Variants in S100Z observed in about 807,000 individuals in gnomAD.
S100Z encodes S100 calcium binding protein Z.
Under a neutral mutation model 8.5 loss-of-function variants are expected in S100Z, and 11 were observed. That is an observed-to-expected ratio of 1.30 (90% CI 0.82 to 2.15). The LOEUF (loss-of-function observed/expected upper bound fraction) is 2.15, where lower values mean the gene tolerates loss of function less well. Ranked by LOEUF, S100Z falls within the 30% of genes most tolerant of loss-of-function variation. The probability of loss-of-function intolerance (pLI) is 0.00; values close to 1 mark genes in which losing one functional copy is unlikely to be tolerated. For missense variants in S100Z, 126 were observed against 117.9 expected, an observed-to-expected ratio of 1.07 and a Z score of -0.32; for synonymous variants, 34 against 43.8, an observed-to-expected ratio of 0.78 and a Z score of 0.89.
Position 76,873,828 on chromosome 5 carries a change from A to G in S100Z, c.-56-1476A>G, listed in dbSNP as rs116567791. On this transcript the variant is annotated intron_variant, in intron 2 of 4. Coordinates refer to ENST00000317593, the MANE Select transcript of S100Z (RefSeq NM_130772.4). ...GCAGGATTTAAAAGCACAGTGGCCA[A>G]TATCTGGCTTTGGTTTTTACATGGA... Among the ~76,000 whole-genome samples the G allele has an allele frequency of 6.7e-3, 1,023 of 152,280 alleles. 13 individuals are homozygous for G. The highest frequency in any genetic ancestry group is 0.022 in the African/African-American group (932 of 41,544).
At chr5:76,950,538 A>G in the S100Z span, among the ~76,000 whole-genome samples, 291 of 152,340 alleles carry the variant, frequency 1.9e-3, 2 homozygotes, top group African/African-American at 6.8e-3. Context: ...CCTACCTAAC[A>G]AAAAGAAAGT....
At chr5:76,854,845 C>T (rs1750837022) in intron 1 of S100Z, among the ~76,000 whole-genome samples, 1 of 152,238 alleles carries the variant, frequency 6.6e-6, no homozygotes, top group Admixed American at 6.5e-5. Flanking sequence ...ATCACAGGCC[C>T]AAAGGCCTAG....
At chr5:76,856,089 C>T (rs984359084) in intron 1 of S100Z, among the ~76,000 whole-genome samples, 1 of 152,174 alleles carries the variant, frequency 6.6e-6, no homozygotes, top group Non-Finnish European at 1.5e-5. Context: ...GTGTCTGTTT[C>T]CCCTTTGCCT....
chr5:76,890,345 T>C (rs1001919504), intron 4 of S100Z, among the ~76,000 whole-genome samples: 5 of 152,212 alleles, frequency 3.3e-5, no homozygotes, highest in African/African-American at 4.8e-5. Context: ...TTTGAAAATA[T>C]ATATTTCTTT....
intron 1 of S100Z, among the ~76,000 whole-genome samples, chr5:76,864,384 ATATTTTTTTTTTTTT>A (rs1561224590): frequency 4.5e-5 from 5 of 111,374 alleles, no homozygotes; most frequent in African/African-American, 1.7e-4. Flanking sequence ...AATGCATACT[ATATTTTTTTTTTTTT>A]TTTTTTTTTT....
chr5:76,870,810 A>G (rs1436574488), intron 2 of S100Z, among the ~76,000 whole-genome samples: 2 of 152,038 alleles, frequency 1.3e-5, no homozygotes, highest in African/African-American at 4.8e-5. Context: ...AGAGCTGGAG[A>G]GGGGAAAGTG....
At chr5:76,865,146 C>T (rs559137837) in intron 1 of S100Z, among the ~76,000 whole-genome samples, 1 of 152,088 alleles carries the variant, frequency 6.6e-6, no homozygotes, top group Non-Finnish European at 1.5e-5. Flanking sequence ...GTCCCTGAGA[C>T]CTTCCAGTGG....
intron 1 of S100Z, among the ~76,000 whole-genome samples, chr5:76,869,792 G>A (rs1742940527): frequency 6.6e-6 from 1 of 152,150 alleles, no homozygotes. Context: ...GCTGAGGCAG[G>A]TGGATCACTT....
chr5:76,875,146 C>T (rs933999138), intron 2 of S100Z, among the ~76,000 whole-genome samples, 158 bp from the exon 3 acceptor site: 3 of 152,208 alleles, frequency 2.0e-5, no homozygotes, highest in Non-Finnish European at 4.4e-5. Context: ...CCATCTCTGC[C>T]TCCCAAAGTG....
chr5:76,885,630 C>T (rs1266653702), intron 4 of S100Z, among the ~76,000 whole-genome samples: 3 of 115,928 alleles, frequency 2.6e-5, no homozygotes, highest in African/African-American at 1.0e-4. Flanking sequence ...GAGGTGCTTG[C>T]CCCCCAGGAA....
chr5:76,907,828 A>C (rs377322712), intron 4 of S100Z, among the ~76,000 whole-genome samples: 3 of 152,154 alleles, frequency 2.0e-5, no homozygotes, highest in African/African-American at 7.2e-5. Context: ...TTAATTTGAG[A>C]TCTTATTGTA....
At chr5:76,861,844 G>T (rs561277280) in intron 1 of S100Z, among the ~76,000 whole-genome samples, 6 of 152,224 alleles carry the variant, frequency 3.9e-5, no homozygotes, top group East Asian at 3.9e-4. Context: ...TATAAATAAC[G>T]CATTTTCACT....
chr5:76,851,449 C>T (rs771929204), intron 1 of S100Z, among the ~76,000 whole-genome samples: 7 of 151,952 alleles, frequency 4.6e-5, no homozygotes, highest in Non-Finnish European at 1.0e-4. Context: ...TGAACTATGG[C>T]GCTAGGGTTG....
At chr5:76,925,826 G>C (rs945933542), downstream of S100Z, among the ~76,000 whole-genome samples, 1 of 152,088 alleles carries the variant, frequency 6.6e-6, no homozygotes, top group African/African-American at 2.4e-5. Flanking sequence ...TTTTAGCAGG[G>C]TGTGGTGGCG....
intron 4 of S100Z, among the ~76,000 whole-genome samples, chr5:76,898,937 T>TTC (rs1030371702): frequency 3.5e-5 from 5 of 140,962 alleles, no homozygotes; most frequent in East Asian, 2.5e-4. Context: ...TCTTTTCTTT[T>TTC]TTTTTTTTTT....
chr5:76,871,827 C>A (rs548111363), intron 2 of S100Z, among the ~76,000 whole-genome samples: 209 of 152,306 alleles, frequency 1.4e-3, no homozygotes, highest in Non-Finnish European at 2.6e-3. Context: ...GGGCCCTGCC[C>A]GAAAATCTTT....
In S100Z at chr5:76,867,206, TACTC is replaced by T. The variant is rs888942665; in HGVS notation, c.-175-2957_-175-2954del. On this transcript the variant is annotated intron_variant, in intron 1 of 4. Coordinates refer to ENST00000317593, the MANE Select transcript of S100Z (RefSeq NM_130772.4). ...ATCACCACAGTCAAGATAATAAACA[TACTC>T]ACCACCCTCAAAAGTGTCCACCCTT... 3.9e-5 allele frequency among the ~76,000 whole-genome samples: 6 copies of T among 152,204 alleles called. No individual in the cohort carries two copies. The East Asian group carries it at 7.7e-4, about 20-fold the overall frequency.
At chr5:76,948,366 A>C in the S100Z span, among the ~76,000 whole-genome samples, 1 of 120,316 alleles carries the variant, frequency 8.3e-6, no homozygotes, top group Non-Finnish European at 1.8e-5. Flanking sequence ...CTGCACAGCA[A>C]AGGAAATGAT....
intron 4 of S100Z, 85 bp downstream of exon 4, chr5:76,877,919 C>T (rs770161769): frequency 1.2e-4 from 97 of 803,048 alleles, no homozygotes; most frequent in Non-Finnish European, 1.7e-4. Context: ...TCTATAGACC[C>T]AGTAATGTCA....
Sources: allele counts gnomAD v4.1 joint callset (sites outside exome capture counted in the v4.1 genomes callset), GRCh38; gene constraint gnomAD v4.1.1; transcripts MANE v1.5; gene names NCBI Gene and HGNC (gene_info 2026-07-23, HGNC 2026-07-21).